CCDC150: variants seen among roughly 807,000 people sequenced by gnomAD.
CCDC150 encodes the protein coiled-coil domain-containing protein 150.
A neutral mutation model predicts 156.5 loss-of-function variants in CCDC150; 151 were observed. The observed-to-expected ratio is 0.97, with a 90% CI of 0.85 to 1.10. CCDC150 has a LOEUF of 1.10. Among genes scored for constraint, CCDC150 ranks in the 50% least tolerant of loss-of-function variants. CCDC150 has a pLI of 0.00. For missense variants in CCDC150, 1,312 were observed against 1,268.1 expected (o/e 1.03, Z -0.53); for synonymous variants, 452 against 429.4 (o/e 1.05, Z -0.65).
Position 196,719,589 on chromosome 2 carries a change from G to T in CCDC150, c.2088G>T (p.Lys696Asn). ...MLENVLASHS[K>N]MQGALEKVQI... is the part of the protein sequence containing the mutation. ...AGAATGTGCTGGCTTCTCACAGTAA[G>T]ATGCAAGGTGCTCTGGAGAAAGTAC... Residue 696 changes from lysine to asparagine, a missense_variant, in exon 19 of 28, where the codon AAG (lysine) becomes AAT (asparagine). Coordinates refer to ENST00000389175, the MANE Select transcript of CCDC150 (RefSeq NM_001080539.2). 1 of 1,613,584 alleles carries T rather than the reference G, an allele frequency of 6.2e-7. No individual in the cohort carries two copies.
intron 13 of CCDC150, among the ~76,000 whole-genome samples, chr2:196,681,547 C>T (rs1378861754): frequency 6.6e-6 from 1 of 152,128 alleles, no homozygotes; most frequent in Non-Finnish European, 1.5e-5. Flanking sequence ...TCTGAGGAAT[C>T]ACCAGTTTTC....
rs749584873 is a variant in CCDC150 at position 196,721,585 on chromosome 2, C to T, written c.2323C>T (p.Leu775=). ...AGACAACAGGAAACTTGCTATGAGT[C>T]TGGAACAAGCTCTCCAGACAAATAA... ...REDNRKLAMS[L]EQALQTNNHL... Residue 775 remains leucine (L), a synonymous_variant, in exon 21 of 28, where the codon CTG becomes TTG. Transcript: ENST00000389175. 4.4e-6 allele frequency: 7 copies of T among 1,608,150 alleles called. No homozygotes were observed. The South Asian group carries it at 7.8e-5, about 18-fold the overall frequency.
At position 196,640,417 on chromosome 2, in the gene CCDC150, T is replaced by C. The variant is rs889753160; in HGVS notation, c.12+639T>C. Among the ~76,000 whole-genome samples the C allele has an allele frequency of 2.6e-5, 4 of 152,198 alleles. 1 individual carries two copies. Among genetic ancestry groups the C allele is most frequent in the Admixed American group, 2.6e-4 (4 of 15,270 alleles). On this transcript the variant is annotated intron_variant, in intron 1 of 27. Transcript: ENST00000389175. ...TAATCTTGGCGTGCTCAGGACTAGGTCCTTTAATCCTTTGTGTTCTCTGTT... is the reference window on the plus strand; with the variant it reads ...TAATCTTGGCGTGCTCAGGACTAGGCCCTTTAATCCTTTGTGTTCTCTGTT...
At chr2:196,703,298 T>C (rs1559257182) in intron 15 of CCDC150, among the ~76,000 whole-genome samples, 2 of 152,132 alleles carry the variant, frequency 1.3e-5, no homozygotes, top group African/African-American at 4.8e-5. Context: ...ATCTAAAAGG[T>C]AGTCGATAAG....
chr2:196,683,281 G>T (rs561792203), intron 13 of CCDC150, among the ~76,000 whole-genome samples: 1 of 151,830 alleles, frequency 6.6e-6, no homozygotes, highest in Non-Finnish European at 1.5e-5. Context: ...TGATCTTGTG[G>T]GTTTTGTTCT....
At chr2:196,672,551 A>G (rs1694266187) in intron 9 of CCDC150, 114 bp downstream of exon 9, 2 of 508,740 alleles carry the variant, frequency 3.9e-6, no homozygotes, top group African/African-American at 2.0e-5. Context: ...CCATCACCCA[A>G]CTTTTCATTT....
chr2:196,676,428 T>A lies in CCDC150; in HGVS notation c.1263-126T>A. 4 of 1,304,018 alleles carry A rather than the reference T, an allele frequency of 3.1e-6. No homozygotes were observed. The South Asian group carries it at 5.8e-5, about 19-fold the overall frequency. 80.8% of individuals were successfully genotyped at this position (1,304,018 alleles called of 1,614,324 possible). ...AAAGACTCTGCCCTCAAGAAACTAG[T>A]TTTGTTAGAACATTTTGGTAACTAC... On this transcript the variant is annotated intron_variant, in intron 11 of 27. Coordinates refer to ENST00000389175, the MANE Select transcript of CCDC150 (RefSeq NM_001080539.2).
chr2:196,648,795 C>T (rs560027224), intron 2 of CCDC150, among the ~76,000 whole-genome samples: 2 of 152,160 alleles, frequency 1.3e-5, no homozygotes, highest in African/African-American at 4.8e-5. Flanking sequence ...TGTCTTTAAT[C>T]CATTCTGAGT....
intron 2 of CCDC150, 32 bp from the exon 3 acceptor site, chr2:196,656,601 C>G (rs1437035221): frequency 1.4e-6 from 2 of 1,444,616 alleles, no homozygotes; most frequent in Non-Finnish European, 1.9e-6. Context: ...AATTGCATTG[C>G]ATAATATTGT....
At chr2:196,671,609 A>G (rs2125607584) in intron 8 of CCDC150, among the ~76,000 whole-genome samples, 1 of 147,628 alleles carries the variant, frequency 6.8e-6, no homozygotes, top group Non-Finnish European at 1.5e-5. Flanking sequence ...TGTATTTTTT[A>G]GTAGAGATGG....
chr2:196,673,020 T>C (rs1035013071), intron 9 of CCDC150, among the ~76,000 whole-genome samples: 1 of 152,170 alleles, frequency 6.6e-6, no homozygotes, highest in Non-Finnish European at 1.5e-5. Flanking sequence ...TTGGTACAAT[T>C]TGATTGTCTC....
intron 17 of CCDC150, 145 bp downstream of exon 17, chr2:196,712,884 G>C (rs1159358789): frequency 3.6e-5 from 22 of 613,152 alleles, no homozygotes; most frequent in East Asian, 2.0e-4. Context: ...ACCCCAGGAA[G>C]GTGTTACCAG....
intron 12 of CCDC150, among the ~76,000 whole-genome samples, chr2:196,676,933 C>T (rs546791740): frequency 6.6e-6 from 1 of 152,142 alleles, no homozygotes; most frequent in African/African-American, 2.4e-5. Flanking sequence ...ATATACTTAT[C>T]CGGCGTTAGT....
chr2:196,727,503 CTG>C (rs1698276380), intron 22 of CCDC150: 1 of 152,176 alleles, frequency 6.6e-6, no homozygotes, highest in Non-Finnish European at 1.5e-5. Context: ...CATGGCTGGT[CTG>C]TGTTTCACCA....
At chr2:196,682,276 A>T (rs993449981) in intron 13 of CCDC150, among the ~76,000 whole-genome samples, 1 of 152,074 alleles carries the variant, frequency 6.6e-6, no homozygotes, top group Non-Finnish European at 1.5e-5. Context: ...ATAGATATGT[A>T]AGTTTATTTC....
intron 1 of CCDC150, among the ~76,000 whole-genome samples, chr2:196,643,807 C>G (rs1391589808): frequency 6.6e-6 from 1 of 152,218 alleles, no homozygotes; most frequent in Non-Finnish European, 1.5e-5. Flanking sequence ...ATTTTTACTT[C>G]TTCCTTCTAC....
Position 196,709,068 on chromosome 2 carries a change from A to G in CCDC150, c.1696-3077A>G, listed in dbSNP as rs567152692. Among the ~76,000 whole-genome samples the G allele has an allele frequency of 3.6e-4, 55 of 152,286 alleles. 1 individual carries two copies. The South Asian group carries it at 6.6e-3, about 18-fold the overall frequency. On this transcript the variant is annotated intron_variant, in intron 15 of 27. Coordinates refer to ENST00000389175, the MANE Select transcript of CCDC150 (RefSeq NM_001080539.2). The stretch of plus-strand genomic sequence containing the variant: ...TTGTCCTGTCTTGCTAGGTTGGGGA[A>G]GTTCTCCTGGATAATATCCTGAAGA...
chr2:196,707,370 T>A (rs988794783), intron 15 of CCDC150, among the ~76,000 whole-genome samples: 2 of 152,182 alleles, frequency 1.3e-5, no homozygotes, highest in Admixed American at 1.3e-4. Flanking sequence ...TTATCATTTT[T>A]TTATTGTGTC....
In CCDC150 at chr2:196,676,550, G is replaced by T. The variant is rs1055599946; in HGVS notation, c.1263-4G>T. 2 of 1,609,346 alleles carry T rather than the reference G, an allele frequency of 1.2e-6. No homozygotes were observed. The highest frequency in any genetic ancestry group is 1.3e-5 in the African/African-American group (1 of 74,708). On this transcript the variant is annotated splice_polypyrimidine_tract_variant and splice_region_variant and intron_variant, in intron 11 of 27. Transcript: ENST00000389175. The stretch of plus-strand genomic sequence containing the variant: ...TTTCATATGTTCTTGATCTCTTCCT[G>T]CAGGGATCATTTAATCCTTGAGCAT...
Sources: gnomAD v4.1 joint callset for allele counts (sites outside exome capture counted in the v4.1 genomes callset) on GRCh38, gnomAD v4.1.1 for gene constraint, MANE v1.5 for transcripts, NCBI Gene and HGNC (gene_info 2026-07-23, HGNC 2026-07-21) for gene names.